Variants in ANKRD31 observed in about 807,000 individuals in gnomAD.
The protein encoded by ANKRD31 is ankyrin repeat domain 31.
ANKRD31 carries 147 observed loss-of-function variants against 186.0 expected under a neutral mutation model. The observed-to-expected ratio is 0.79, with a 90% confidence interval of 0.69 to 0.91. The LOEUF (loss-of-function observed/expected upper bound fraction) is 0.91. Ranked by LOEUF, ANKRD31 falls within the 40% of genes least tolerant of loss-of-function variation. The pLI is 0.00. For missense variants in ANKRD31, 1,986 were observed against 2,148.8 expected, an observed-to-expected ratio of 0.92 and a Z score of 1.50; for synonymous variants, 673 against 736.4, an observed-to-expected ratio of 0.91 and a Z score of 1.39.
chr5:75,132,737 A>C (rs1166512846), intron 17 of ANKRD31, among the ~76,000 whole-genome samples: 1 of 152,206 alleles, frequency 6.6e-6, no homozygotes, highest in Admixed American at 6.5e-5. Flanking sequence ...AGTTGAAATG[A>C]AGGAAAAAAT....
In ANKRD31 at chr5:75,193,493, C is replaced by T. The variant is rs1282579271; in HGVS notation, c.1116G>A (p.Val372=). 2.0e-6 allele frequency: 3 copies of T among 1,537,088 alleles called. No individual in the cohort carries two copies. The highest frequency in any genetic ancestry group is 3.9e-5 in the Admixed American group (2 of 50,956). ...CAGTTTCCTGATCAGAGCTATTTGT[C>T]ACTGAATTTGAATTTCTCTTATTAC... ...PLSNKRNSNS[V]TNSSDQETAC... The change falls in exon 8 of 26, where the codon GTG becomes GTA. Residue 372 remains valine, a synonymous_variant. Transcript: ENST00000506364.
chr5:75,203,941 G>A (rs1198720190), intron 5 of ANKRD31, among the ~76,000 whole-genome samples: 1 of 151,954 alleles, frequency 6.6e-6, no homozygotes, highest in African/African-American at 2.4e-5. Context: ...AATTATATTA[G>A]GCCATTTGAT....
chr5:75,232,768 T>C (rs71627084), intron 1 of ANKRD31, among the ~76,000 whole-genome samples: 2,881 of 152,274 alleles, frequency 0.019, 118 homozygotes, highest in East Asian at 0.14. Context: ...TAAGCCACTG[T>C]GACATACGGA....
chr5:75,161,385 T>C (rs765968579), intron 11 of ANKRD31, among the ~76,000 whole-genome samples: 1 of 152,112 alleles, frequency 6.6e-6, no homozygotes, highest in Non-Finnish European at 1.5e-5. Flanking sequence ...GAGAGATTAT[T>C]TAGGGTGTCT....
chr5:75,176,074 C>A (rs1406372884), intron 10 of ANKRD31, among the ~76,000 whole-genome samples: 1 of 152,198 alleles, frequency 6.6e-6, no homozygotes, highest in Non-Finnish European at 1.5e-5. Flanking sequence ...AAACAGCACA[C>A]CAGGAGATTA....
chr5:75,196,264 C>G (rs181053529), intron 6 of ANKRD31, 64 bp from the exon 7 acceptor site: 1 of 1,246,358 alleles, frequency 8.0e-7, no homozygotes, highest in South Asian at 2.4e-5. Context: ...AAAATGAAAA[C>G]TTTATAGTTT....
intron 17 of ANKRD31, among the ~76,000 whole-genome samples, chr5:75,119,460 T>C (rs914246993): frequency 2.6e-5 from 4 of 152,254 alleles, no homozygotes; most frequent in Admixed American, 6.5e-5. Flanking sequence ...TAGTATTCCA[T>C]GGTATATGTG....
At chr5:75,232,924 C>G (rs1204876018) in intron 1 of ANKRD31, among the ~76,000 whole-genome samples, 1 of 152,180 alleles carries the variant, frequency 6.6e-6, no homozygotes, top group East Asian at 1.9e-4. Context: ...GAATTCTGTA[C>G]AAACAGATCT....
chr5:75,122,381 T>C (rs891935524), intron 17 of ANKRD31, among the ~76,000 whole-genome samples: 4 of 151,424 alleles, frequency 2.6e-5, no homozygotes, highest in Non-Finnish European at 5.9e-5. Flanking sequence ...AATGAAACTG[T>C]TCCAAAAAAA....
At chr5:75,197,683 A>C (rs1755559996) in intron 6 of ANKRD31, among the ~76,000 whole-genome samples, 1 of 152,212 alleles carries the variant, frequency 6.6e-6, no homozygotes, top group South Asian at 2.1e-4. Flanking sequence ...CACTATTTGA[A>C]GTCCTCGCAC....
intron 17 of ANKRD31, among the ~76,000 whole-genome samples, chr5:75,120,825 A>C (rs1748704254): frequency 6.6e-6 from 1 of 152,206 alleles, no homozygotes; most frequent in Non-Finnish European, 1.5e-5. Context: ...AGATAGGCAG[A>C]ATGGATTTTT....
At chr5:75,127,812 A>G (rs915790039) in intron 17 of ANKRD31, among the ~76,000 whole-genome samples, 3 of 152,170 alleles carry the variant, frequency 2.0e-5, no homozygotes, top group South Asian at 2.1e-4. Flanking sequence ...ACTCTCAGCA[A>G]TGTTTTGAGG....
chr5:75,088,276 C>T (rs772160409), intron 23 of ANKRD31, among the ~76,000 whole-genome samples: 1 of 152,036 alleles, frequency 6.6e-6, no homozygotes, highest in Non-Finnish European at 1.5e-5. Context: ...AAAGTGATCA[C>T]TAAATCCAAA....
intron 25 of ANKRD31, among the ~76,000 whole-genome samples, chr5:75,076,692 T>C (rs536694903): frequency 2.0e-5 from 3 of 152,350 alleles, no homozygotes; most frequent in African/African-American, 7.2e-5. Flanking sequence ...AAGCTTCTAA[T>C]CAAGGCTTGG....
intron 9 of ANKRD31, among the ~76,000 whole-genome samples, chr5:75,192,213 G>A (rs1755161293): frequency 6.6e-6 from 1 of 151,916 alleles, no homozygotes; most frequent in African/African-American, 2.4e-5. Flanking sequence ...TTTGCCAATT[G>A]TTCTACTATC....
intron 14 of ANKRD31, among the ~76,000 whole-genome samples, chr5:75,145,598 T>C (rs1192220897): frequency 2.0e-5 from 3 of 151,866 alleles, no homozygotes; most frequent in African/African-American, 7.3e-5. Flanking sequence ...GGGGGGCTAC[T>C]GGTGGGATAG....
At chr5:75,085,480 TCATGCCTCAGCCTCC>T (rs1385180606) in intron 23 of ANKRD31, among the ~76,000 whole-genome samples, 16 of 152,050 alleles carry the variant, frequency 1.1e-4, no homozygotes, top group South Asian at 4.2e-4. Flanking sequence ...CAAGCAATTC[TCATGCCTCAGCCTCC>T]CATGCCTCAG....
chr5:75,162,673 T>A lies in ANKRD31; in HGVS notation c.1707+6306A>T, dbSNP rs959776828. On this transcript the variant is annotated intron_variant, in intron 11 of 25. Coordinates refer to ENST00000506364, the MANE Select transcript of ANKRD31 (RefSeq NM_001372053.1). ...AGCCAAATCTCCTCTTGAATTGTAC[T>A]CCCATAATTCCCATGTGCTGTGGGA... 3.3e-5 allele frequency among the ~76,000 whole-genome samples: 5 copies of A among 152,236 alleles called. 1 individual carries two copies. The East Asian group carries it at 5.8e-4, about 18-fold the overall frequency.
At chr5:75,120,111 G>A (rs1748637735) in intron 17 of ANKRD31, among the ~76,000 whole-genome samples, 1 of 152,094 alleles carries the variant, frequency 6.6e-6, no homozygotes, top group African/African-American at 2.4e-5. Flanking sequence ...TATGGTATAA[G>A]TCAGCCAGGA....
Sources: gnomAD v4.1 joint callset for allele counts (sites outside exome capture counted in the v4.1 genomes callset) on GRCh38, gnomAD v4.1.1 for gene constraint, MANE v1.5 for transcripts, NCBI Gene and HGNC (gene_info 2026-07-23, HGNC 2026-07-21) for gene names.